NBPF14: variants seen among roughly 807,000 people sequenced by gnomAD.
The protein encoded by NBPF14 is NBPF family member NBPF14.
In NBPF14, 104 loss-of-function variants were observed where a neutral mutation model predicts 91.2. The ratio of observed to expected loss-of-function variants is 1.14; its 90% CI spans 0.97 to 1.34. The LOEUF (loss-of-function observed/expected upper bound fraction) is 1.34, where lower values mean the gene tolerates loss of function less well. NBPF14 is among the 40% of genes most tolerant of loss of function. The pLI, the probability that NBPF14 is intolerant of heterozygous loss-of-function variation, is 0.00. For synonymous variants in NBPF14, 294 were observed against 303.8 expected, an observed-to-expected ratio of 0.97 and a Z score of 0.34; for missense variants, 908 against 783.0, an observed-to-expected ratio of 1.16 and a Z score of -1.91.
intron 69 of NBPF14, among the ~76,000 whole-genome samples, chr1:148,534,238 T>C (rs1222809907): frequency 1.3e-5 from 2 of 151,530 alleles, no homozygotes; most frequent in South Asian, 2.1e-4. Flanking sequence ...TACGCCATAT[T>C]TTTCCAATCA....
intron 13 of NBPF14, among the ~76,000 whole-genome samples, chr1:148,578,863 C>T (rs1660484957): frequency 6.7e-6 from 1 of 148,992 alleles, no homozygotes; most frequent in African/African-American, 2.5e-5. Flanking sequence ...ATGGGCATGG[C>T]CTGAGACTAG....
rs1481429703 is a variant in NBPF14, at chr1:148,539,314, C to G, written c.7882+96G>C. 4.9e-6 allele frequency: 3 copies of G among 614,842 alleles called. No individual in the cohort carries two copies. In the East Asian group the frequency reaches 1.0e-4, roughly 21 times the overall value. 38.1% of individuals were successfully genotyped at this position (614,842 alleles called of 1,614,324 possible). On this transcript the variant is annotated intron_variant, in intron 63 of 70. Transcript: ENST00000619423. ...CCATAGGTCCTGACTGCGGCAATGACGTCTCTCGGGTCAGTAAGGGGCACT... is the reference window on the plus strand; with the variant it reads ...CCATAGGTCCTGACTGCGGCAATGAGGTCTCTCGGGTCAGTAAGGGGCACT...
intron 28 of NBPF14, among the ~76,000 whole-genome samples, chr1:148,566,647 T>A (rs1658477214): frequency 7.3e-6 from 1 of 137,580 alleles, no homozygotes; most frequent in African/African-American, 2.6e-5. Context: ...ACACACAGCA[T>A]ACAGGGATCA....
At position 148,559,777 on chromosome 1, in the gene NBPF14, A is replaced by G; in HGVS notation, c.4729+16T>C. 2.8e-6 allele frequency: 4 copies of G among 1,419,594 alleles called. 1 individual carries two copies. Among genetic ancestry groups the G allele is most frequent in the South Asian group, 2.5e-5 (2 of 80,046 alleles). The allele number at this position is 1,419,594 out of a possible 1,614,324, so 87.9% of individuals were successfully genotyped here. ...GACTCAGTGGATCCTTATCACCTTC[A>G]TAGAAAGGTACTCACCATCCATGTC... is the stretch of plus-strand genomic sequence containing the variant. On this transcript the variant is annotated intron_variant, in intron 37 of 70. Transcript: ENST00000619423.
At chr1:148,559,752 G>A (rs1169753197) in intron 37 of NBPF14, 41 bp downstream of exon 37, 31 of 1,094,260 alleles carry the variant, frequency 2.8e-5, no homozygotes, top group Non-Finnish European at 4.1e-5. Flanking sequence ...CTAACCAGAA[G>A]ACTCAGTGGA....
rs1198993033 is a variant in NBPF14 at position 148,559,936 on chromosome 1, C to T, written c.4586G>A (p.Gly1529Glu). The T allele has an allele frequency of 1.1e-4, 152 of 1,377,822 alleles. 4 individuals carry two copies. The highest frequency in any genetic ancestry group is 5.1e-4 in the Middle Eastern group (2 of 3,944). The allele number at this position is 1,377,822 out of a possible 1,614,324, so 85.3% of individuals were successfully genotyped here. ...CAGTGAGTCCTGCAAGACTTCAGGC[C>T]CTTTCTCATGCAGCAGCTCCCTGCT... Residue 1529 changes from glycine to glutamate, a missense_variant, in exon 37 of 71, where the codon GGG (glycine) becomes GAG (glutamate). Coordinates refer to ENST00000619423, the Ensembl canonical transcript of NBPF14.
chr1:148,579,892 A>G (rs1210656654), intron 12 of NBPF14, among the ~76,000 whole-genome samples: 5 of 152,190 alleles, frequency 3.3e-5, no homozygotes, highest in Admixed American at 6.5e-5. Flanking sequence ...CAGAGAAAGG[A>G]ATAGCATCAA....
At chr1:148,587,309 C>T in exon 8 of NBPF14, 1 of 1,581,128 alleles carries the variant, frequency 6.3e-7, no homozygotes, top group Non-Finnish European at 8.6e-7. Flanking sequence ...ACCTGAGCTC[C>T]TCAGCTTGCT....
At chr1:148,557,813 A>G (rs1305457371) in intron 39 of NBPF14, among the ~76,000 whole-genome samples, 3 of 104,578 alleles carry the variant, frequency 2.9e-5, no homozygotes, top group African/African-American at 1.6e-4. Flanking sequence ...TATTGTTCCC[A>G]TCAGTTCAAA....
chr1:148,595,443 G>A, intron 2 of NBPF14, 100 bp downstream of exon 2: 2 of 1,343,680 alleles, frequency 1.5e-6, no homozygotes, highest in Non-Finnish European at 2.1e-6. Flanking sequence ...AGAAGTACAG[G>A]AAGGATGAAA....
At chr1:148,566,524 C>CACACACACACACAA (rs1658377722) in intron 28 of NBPF14, among the ~76,000 whole-genome samples, 1 of 128,212 alleles carries the variant, frequency 7.8e-6, no homozygotes, top group African/African-American at 2.7e-5. Context: ...CACACACACA[C>CACACACACACACAA]ACACACACAC....
intron 49 of NBPF14, among the ~76,000 whole-genome samples, chr1:148,549,895 GT>G (rs1655967763): frequency 1.3e-5 from 1 of 74,870 alleles, no homozygotes; most frequent in African/African-American, 9.8e-5. Context: ...TTTGTCCCAA[GT>G]TTGTGCAAAT....
In NBPF14 at chr1:148,559,393, C is replaced by T. The variant is rs1275150091; in HGVS notation, c.4730-321G>A. On this transcript the variant is annotated intron_variant, in intron 37 of 70. Transcript: ENST00000619423. ...CCCCAAATGGTTGCTAGGAGAAAAA[C>T]TGCACTATTCACCCTGTCTCATCAA... Among the ~76,000 whole-genome samples, 3 of 134,012 alleles carry T rather than the reference C, an allele frequency of 2.2e-5. 1 individual carries two copies. Among genetic ancestry groups the T allele is most frequent in the Admixed American group, 1.5e-4 (2 of 13,792 alleles). The allele number at this position is 134,012 out of a possible 152,430, so 87.9% of individuals were successfully genotyped here.
At position 148,566,408 on chromosome 1, in the gene NBPF14, T is replaced by C. The variant is rs1343725747; in HGVS notation, c.3543-93A>G. On this transcript the variant is annotated intron_variant, in intron 28 of 70. Coordinates refer to ENST00000619423, the Ensembl canonical transcript of NBPF14. ...TTCATGGGTAGCATAGGGAAGTGGT[T>C]AAAAAACTAAAAGGATAGATCCATT... The C allele has an allele frequency of 1.0e-4, 63 of 619,144 alleles. 1 individual carries two copies. In the African/African-American group the frequency reaches 1.1e-3, roughly 11 times the overall value. The allele number at this position is 619,144 out of a possible 1,614,324, so 38.4% of individuals were successfully genotyped here.
At chr1:148,566,202 T>A in exon 29 of NBPF14, 1 of 572,214 alleles carries the variant, frequency 1.7e-6, no homozygotes, top group Non-Finnish European at 3.1e-6. Flanking sequence ...GGAACTTCCA[T>A]AGGGCTGGCA....
At chr1:148,533,790 T>G (rs1161897592) in intron 70 of NBPF14, 71 bp downstream of exon 70, 1 of 764,854 alleles carries the variant, frequency 1.3e-6, no homozygotes, top group Non-Finnish European at 2.4e-6. Context: ...TCAAACACAC[T>G]CTGGTTTCCC....
chr1:148,587,520 T>A (rs1404253291), intron 7 of NBPF14, 117 bp from the exon 8 acceptor site: 1 of 1,104,536 alleles, frequency 9.1e-7, no homozygotes, highest in African/African-American at 1.6e-5. Context: ...AGTACCAGGG[T>A]CTAGACAGGG....
rs2149526325 is a variant in NBPF14 at position 148,572,531 on chromosome 1, AT to A, written c.2669del (p.Tyr890PhefsTer7). 4.7e-6 allele frequency: 3 copies of A among 635,566 alleles called. No individual in the cohort carries two copies. In the East Asian group the frequency reaches 8.2e-5, roughly 17 times the overall value. 39.4% of individuals were successfully genotyped at this position (635,566 alleles called of 1,614,324 possible). Reference sequence around the variant, plus strand: ...GCTGGCCTAAGTCAGGCAGTTCAAGATAACCTGAAGGAGTCGAATAACATCT... The same window carrying A: ...GCTGGCCTAAGTCAGGCAGTTCAAGAAACCTGAAGGAGTCGAATAACATCT... On this transcript the variant is annotated frameshift_variant, in exon 21 of 71. Transcript: ENST00000619423. LOFTEE classifies it high-confidence loss of function.
intron 36 of NBPF14, among the ~76,000 whole-genome samples, chr1:148,560,221 C>A (rs1465431047): frequency 6.6e-6 from 1 of 150,966 alleles, no homozygotes; most frequent in East Asian, 2.0e-4. Context: ...GTGAATTGGC[C>A]AGGTGACATA....
Sources: gnomAD v4.1 joint callset for allele counts (sites outside exome capture counted in the v4.1 genomes callset) on GRCh38, gnomAD v4.1.1 for gene constraint, MANE v1.5 for transcripts, NCBI Gene and HGNC (gene_info 2026-07-23, HGNC 2026-07-21) for gene names.